MYO1E: variants seen among roughly 807,000 people sequenced by gnomAD.
The protein encoded by MYO1E is unconventional myosin-Ie.
MYO1E carries 68 observed loss-of-function variants against 151.1 expected under a neutral mutation model. That is an observed-to-expected ratio of 0.45 (90% CI 0.37 to 0.55). MYO1E has a LOEUF of 0.55. Among genes scored for constraint, MYO1E ranks in the 20% least tolerant of loss-of-function variants. The probability of loss-of-function intolerance (pLI) is 0.00; values close to 1 mark genes in which losing one functional copy is unlikely to be tolerated. For missense variants in MYO1E, 1,363 were observed against 1,389.3 expected, an observed-to-expected ratio of 0.98 and a Z score of 0.30; for synonymous variants, 601 against 501.7, an observed-to-expected ratio of 1.20 and a Z score of -2.64.
intron 1 of MYO1E, among the ~76,000 whole-genome samples, chr15:59,277,564 A>AAAAAAAAAAAAAAAAAAAAAAAAAC (rs1555416379): frequency 2.1e-5 from 3 of 139,788 alleles, no homozygotes; most frequent in African/African-American, 8.3e-5. Context: ...AAAAAAAAAA[A>AAAAAAAAAAAAAAAAAAAAAAAAAC]AAAAAAAAAC....
At chr15:59,335,449 C>T (rs2080722477) in intron 1 of MYO1E, among the ~76,000 whole-genome samples, 1 of 152,124 alleles carries the variant, frequency 6.6e-6, no homozygotes, top group African/African-American at 2.4e-5. Context: ...GATTCTGTGG[C>T]CACATCAGGA....
intron 1 of MYO1E, among the ~76,000 whole-genome samples, chr15:59,355,797 C>T (rs1193752168): frequency 4.6e-5 from 7 of 152,108 alleles, no homozygotes; most frequent in Non-Finnish European, 8.8e-5. Flanking sequence ...CTCACGGCAG[C>T]CTCAACCTGC....
At chr15:59,233,196 T>G (rs2080038994) in intron 5 of MYO1E, among the ~76,000 whole-genome samples, 1 of 152,202 alleles carries the variant, frequency 6.6e-6, no homozygotes, top group Non-Finnish European at 1.5e-5. Flanking sequence ...GCCAGAATCT[T>G]CTTCTATCTT....
chr15:59,178,410 T>C lies in MYO1E; in HGVS notation c.2032A>G (p.Ile678Val), dbSNP rs2140319895. 1 of 1,614,224 alleles carries C rather than the reference T, an allele frequency of 6.2e-7. No individual in the cohort carries two copies. The highest frequency in any genetic ancestry group is 8.5e-7 in the Non-Finnish European group (1 of 1,180,042). ...QFQLGRSKVF[I>V]KAPESLFLLE... ...GCACTCACAGACTCGGGGGCTTTGA[T>C]GAACACTTTACTCCTCCCCAGCTGG... Residue 678 changes from isoleucine to valine, a missense_variant, in exon 19 of 28, where the codon ATC (isoleucine) becomes GTC (valine). Physicochemically the swap from Ile to Val is conservative, Grantham distance 29. Transcript: ENST00000288235.
chr15:59,326,192 C>G (rs1420252754), intron 1 of MYO1E, among the ~76,000 whole-genome samples: 1 of 151,046 alleles, frequency 6.6e-6, no homozygotes, highest in African/African-American at 2.4e-5. Context: ...CCTGAAGACA[C>G]AAATAATTCA....
intron 2 of MYO1E, among the ~76,000 whole-genome samples, chr15:59,269,016 T>C (rs1347876804): frequency 2.0e-5 from 3 of 152,074 alleles, no homozygotes; most frequent in Non-Finnish European, 4.4e-5. Context: ...CATTTCAAAA[T>C]ATAATTTGTA....
At chr15:59,227,931 A>C (rs1420061905) in intron 6 of MYO1E, among the ~76,000 whole-genome samples, 1 of 152,234 alleles carries the variant, frequency 6.6e-6, no homozygotes, top group African/African-American at 2.4e-5. Flanking sequence ...TTTCAGAGGA[A>C]GAGCACTCTT....
intron 4 of MYO1E, among the ~76,000 whole-genome samples, chr15:59,242,906 T>C (rs1290724475): frequency 6.6e-6 from 1 of 152,118 alleles, no homozygotes; most frequent in African/African-American, 2.4e-5. Context: ...GCCTGAACTC[T>C]TTAAAGCTGT....
intron 2 of MYO1E, among the ~76,000 whole-genome samples, chr15:59,264,651 T>C (rs1387922548): frequency 6.6e-6 from 1 of 152,256 alleles, no homozygotes; most frequent in Non-Finnish European, 1.5e-5. Context: ...TCTCTGATGC[T>C]TTGCATACTC....
At chr15:59,176,856 G>A (rs565391845) in intron 19 of MYO1E, among the ~76,000 whole-genome samples, 4 of 152,262 alleles carry the variant, frequency 2.6e-5, no homozygotes, top group Non-Finnish European at 5.9e-5. Context: ...GATGGTGTGC[G>A]TGTGTGAGTG....
chr15:59,235,744 G>C (rs1413874739), intron 5 of MYO1E, among the ~76,000 whole-genome samples: 2 of 152,174 alleles, frequency 1.3e-5, no homozygotes, highest in Non-Finnish European at 2.9e-5. Flanking sequence ...AACAGATTTT[G>C]CTGAAATGTT....
At chr15:59,249,532 C>A (rs1227908218) in intron 4 of MYO1E, among the ~76,000 whole-genome samples, 4 of 152,098 alleles carry the variant, frequency 2.6e-5, no homozygotes, top group African/African-American at 9.7e-5. Context: ...ATGAGTAAGA[C>A]TGACAGGAAA....
rs1236047853 is a variant in MYO1E, at chr15:59,159,059, T to C, written c.2786-680A>G. Reference sequence around the variant, plus strand: ...GTCTTGAATGGAACAGGAAGGAAGGTAGGATTAAACCAGCTGGAAGAGGGG... The same window carrying C: ...GTCTTGAATGGAACAGGAAGGAAGGCAGGATTAAACCAGCTGGAAGAGGGG... On this transcript the variant is annotated intron_variant, in intron 24 of 27. Coordinates refer to ENST00000288235, the MANE Select transcript of MYO1E (RefSeq NM_004998.4). The surrounding 1 kb of genome is among the most constrained non-coding windows in gnomAD (Gnocchi z 4.4). Among the ~76,000 whole-genome samples, 1 of 151,914 alleles carries C rather than the reference T, an allele frequency of 6.6e-6. No homozygotes were observed. Among genetic ancestry groups the C allele is most frequent in the African/African-American group, 2.4e-5 (1 of 41,324 alleles).
At chr15:59,235,536 T>G (rs2080057127) in intron 5 of MYO1E, among the ~76,000 whole-genome samples, 1 of 152,236 alleles carries the variant, frequency 6.6e-6, no homozygotes, top group African/African-American at 2.4e-5. Context: ...CTGTATAATA[T>G]TCTATTATAT....
chr15:59,286,559 G>A (rs1371120833), intron 1 of MYO1E, among the ~76,000 whole-genome samples: 2 of 152,140 alleles, frequency 1.3e-5, no homozygotes, highest in African/African-American at 2.4e-5. Context: ...GACGTGCTAA[G>A]CGGGGGAAGG....
intron 17 of MYO1E, among the ~76,000 whole-genome samples, chr15:59,188,610 C>T (rs182216808): frequency 7.2e-4 from 109 of 152,232 alleles, no homozygotes; most frequent in African/African-American, 2.5e-3. Flanking sequence ...GCAGGAAAAT[C>T]GCTTGAACCA....
At chr15:59,270,572 G>T (rs1243140511) in intron 2 of MYO1E, among the ~76,000 whole-genome samples, 1 of 141,436 alleles carries the variant, frequency 7.1e-6, no homozygotes. Context: ...AAAGAAAAAA[G>T]AAAAAAAAAT....
intron 12 of MYO1E, among the ~76,000 whole-genome samples, chr15:59,213,856 G>C (rs1248987178): frequency 6.6e-6 from 1 of 152,196 alleles, no homozygotes; most frequent in Admixed American, 6.5e-5. Context: ...TGTTAGGGAA[G>C]ATTGAAAATG....
chr15:59,170,572 C>A (rs1322475369), intron 22 of MYO1E, among the ~76,000 whole-genome samples: 1 of 151,522 alleles, frequency 6.6e-6, no homozygotes. Context: ...GAAAATCAGT[C>A]AGCGCCTAGA....
Sources: gnomAD v4.1 joint callset for allele counts (sites outside exome capture counted in the v4.1 genomes callset) on GRCh38, gnomAD v4.1.1 for gene constraint, Gnocchi (gnomAD v3.1) non-coding constraint, MANE v1.5 for transcripts, NCBI Gene and HGNC (gene_info 2026-07-23, HGNC 2026-07-21) for gene names.